The following CADPS variants were observed in gnomAD, a reference collection of about 807,000 sequenced individuals.
CADPS encodes the protein calcium dependent secretion activator, also known as calcium-dependent secretion activator 1.
In CADPS, 57 loss-of-function variants were observed where a neutral mutation model predicts 167.3. The ratio of observed to expected loss-of-function variants is 0.34; its 90% CI spans 0.28 to 0.42. The LOEUF (loss-of-function observed/expected upper bound fraction) is 0.42. Among genes scored for constraint, CADPS ranks in the 20% least tolerant of loss-of-function variants. The pLI, the probability that CADPS is intolerant of heterozygous loss-of-function variation, is 1.00. For synonymous variants in CADPS, 676 were observed against 635.3 expected (o/e 1.06, Z -0.96); for missense variants, 1,414 against 1,738.1 (o/e 0.81, Z 3.32).
chr3:62,871,408 G>A (rs2082608740), intron 1 of CADPS, among the ~76,000 whole-genome samples: 1 of 152,104 alleles, frequency 6.6e-6, no homozygotes, highest in South Asian at 2.1e-4. Flanking sequence ...GTGTACAGGG[G>A]AAGAAAGGAG....
chr3:62,683,438 G>C (rs948656473), intron 3 of CADPS, among the ~76,000 whole-genome samples: 3 of 151,982 alleles, frequency 2.0e-5, no homozygotes, highest in African/African-American at 7.3e-5. Context: ...TGTAAGAAAG[G>C]TTCTTTTTTG....
chr3:62,561,216 G>A (rs2152377495), intron 9 of CADPS, among the ~76,000 whole-genome samples: 1 of 151,998 alleles, frequency 6.6e-6, no homozygotes, highest in Admixed American at 6.6e-5. Context: ...TCAGGTCAGA[G>A]TGGGCCTTAG....
At chr3:62,809,606 C>G (rs547320305) in intron 1 of CADPS, among the ~76,000 whole-genome samples, 15 of 152,312 alleles carry the variant, frequency 9.8e-5, no homozygotes, top group African/African-American at 2.6e-4. Flanking sequence ...TTGCATCACC[C>G]AGCTTTAACA....
intron 17 of CADPS, among the ~76,000 whole-genome samples, chr3:62,505,918 A>G (rs1317667421): frequency 6.6e-6 from 1 of 152,206 alleles, no homozygotes; most frequent in Admixed American, 6.5e-5. Flanking sequence ...CAGTGCTTTC[A>G]TGAAAAATAA....
chr3:62,512,744 G>A lies in CADPS; in HGVS notation c.2599+7C>T. ...GATAATTTATAATGCATATACAATT[G>A]GTTCACCTGCATCCTTTTGATTCTC... On this transcript the variant is annotated splice_region_variant and intron_variant, in intron 17 of 29. Transcript: ENST00000383710. 6.2e-7 allele frequency: 1 copy of A among 1,602,880 alleles called. No homozygotes were observed. Among genetic ancestry groups the A allele is most frequent in the Non-Finnish European group, 8.5e-7 (1 of 1,172,326 alleles).
intron 2 of CADPS, among the ~76,000 whole-genome samples, chr3:62,762,305 A>G (rs2085663630): frequency 6.6e-6 from 1 of 152,224 alleles, no homozygotes; most frequent in Non-Finnish European, 1.5e-5. Flanking sequence ...TATGACAACA[A>G]TTAACATAAC....
chr3:62,524,933 A>G (rs2071680851), intron 13 of CADPS, among the ~76,000 whole-genome samples: 1 of 152,212 alleles, frequency 6.6e-6, no homozygotes, highest in Non-Finnish European at 1.5e-5. Context: ...AGACAAATAC[A>G]GACAACTAAT....
intron 17 of CADPS, among the ~76,000 whole-genome samples, chr3:62,508,162 CA>C (rs1407694244): frequency 6.6e-6 from 1 of 152,092 alleles, no homozygotes; most frequent in African/African-American, 2.4e-5. Flanking sequence ...AAGCTCAGAC[CA>C]GTTAATGGAT....
intron 3 of CADPS, among the ~76,000 whole-genome samples, chr3:62,745,493 T>C (rs2081263717): frequency 6.6e-6 from 1 of 152,238 alleles, no homozygotes; most frequent in Non-Finnish European, 1.5e-5. Context: ...AGGGGCAGTG[T>C]ATGACTTTGA....
intron 28 of CADPS, chr3:62,403,400 A>T (rs1358933312): frequency 2.8e-6 from 1 of 361,958 alleles, no homozygotes; most frequent in Non-Finnish European, 5.0e-6. Flanking sequence ...ACAATCTAAG[A>T]CAGTTAGGAC....
chr3:62,550,592 G>T (rs115813148), intron 10 of CADPS, among the ~76,000 whole-genome samples: 2,069 of 152,126 alleles, frequency 0.014, 44 homozygotes, highest in African/African-American at 0.047. Flanking sequence ...GATTCAGTAC[G>T]TCCGGAACAG....
chr3:62,679,689 A>G (rs1006809454), intron 3 of CADPS, among the ~76,000 whole-genome samples: 4 of 152,064 alleles, frequency 2.6e-5, no homozygotes, highest in African/African-American at 9.7e-5. Context: ...GCACTGCCCA[A>G]GACTTTTCAA....
At chr3:62,662,285 C>G (rs1166094150) in intron 4 of CADPS, 29 bp downstream of exon 4, 1 of 1,592,520 alleles carries the variant, frequency 6.3e-7, no homozygotes, top group African/African-American at 1.3e-5. Context: ...TGGCCTGGAC[C>G]CCAGCAAACA....
chr3:62,468,363 T>C (rs2060186281), intron 24 of CADPS, among the ~76,000 whole-genome samples: 1 of 152,178 alleles, frequency 6.6e-6, no homozygotes, highest in Non-Finnish European at 1.5e-5. Context: ...AAAAGCTAGC[T>C]GTGTGCAAAA....
At chr3:62,597,429 T>A (rs2059088543) in intron 6 of CADPS, among the ~76,000 whole-genome samples, 1 of 152,236 alleles carries the variant, frequency 6.6e-6, no homozygotes, top group Non-Finnish European at 1.5e-5. Context: ...GAAAGATTTC[T>A]GCTGGAAACC....
At chr3:62,778,732 C>T (rs2152619624) in intron 1 of CADPS, among the ~76,000 whole-genome samples, 1 of 152,280 alleles carries the variant, frequency 6.6e-6, no homozygotes, top group East Asian at 1.9e-4. Context: ...ACGAGCATTT[C>T]TGACATAAGC....
chr3:62,402,972 A>G, intron 29 of CADPS, 109 bp downstream of exon 29: 1 of 623,070 alleles, frequency 1.6e-6, no homozygotes, highest in South Asian at 2.6e-5. Context: ...ATGAGATACT[A>G]TTTTATATGT....
chr3:62,634,006 G>C (rs2149766234), intron 6 of CADPS, among the ~76,000 whole-genome samples: 1 of 152,272 alleles, frequency 6.6e-6, no homozygotes, highest in Middle Eastern at 3.4e-3. Context: ...TTTGACTTGA[G>C]GTTAGTGGGA....
chr3:62,695,356 C>A (rs533400918), intron 3 of CADPS, among the ~76,000 whole-genome samples: 1 of 152,136 alleles, frequency 6.6e-6, no homozygotes, highest in South Asian at 2.1e-4. Context: ...ATTTTGAGAT[C>A]GCTGACAGAG....
Sources: allele counts gnomAD v4.1 joint callset (sites outside exome capture counted in the v4.1 genomes callset), GRCh38; gene constraint gnomAD v4.1.1; transcripts MANE v1.5; gene names NCBI Gene and HGNC (gene_info 2026-07-23, HGNC 2026-07-21).